The following HLCS variants were observed in gnomAD, a reference collection of about 807,000 sequenced individuals.
HLCS encodes holocarboxylase synthetase.
In HLCS, 53 loss-of-function variants were observed where a neutral mutation model predicts 75.0. The ratio of observed to expected loss-of-function variants is 0.71; its 90% CI spans 0.57 to 0.89. HLCS has a LOEUF of 0.89. Ranked by LOEUF, HLCS falls within the 40% of genes least tolerant of loss-of-function variation. The pLI is 0.00. For synonymous variants in HLCS, 431 were observed against 428.6 expected, an observed-to-expected ratio of 1.01 and a Z score of -0.07; for missense variants, 966 against 1,074.0, an observed-to-expected ratio of 0.90 and a Z score of 1.41.
At chr21:36,775,192 C>T (rs557433682) in intron 6 of HLCS, among the ~76,000 whole-genome samples, 13 of 152,334 alleles carry the variant, frequency 8.5e-5, no homozygotes, top group African/African-American at 2.6e-4. Context: ...GCCCTTCTTA[C>T]GTTTTTGGCT....
chr21:36,966,219 C>G (rs1236713989), intron 1 of HLCS, among the ~76,000 whole-genome samples: 2 of 152,212 alleles, frequency 1.3e-5, no homozygotes, highest in African/African-American at 2.4e-5. Context: ...CGTCCAGCAC[C>G]GCCCGGCTGG....
At chr21:36,890,146 G>A (rs2064714872) in intron 6 of HLCS, among the ~76,000 whole-genome samples, 1 of 152,180 alleles carries the variant, frequency 6.6e-6, no homozygotes, top group African/African-American at 2.4e-5. Flanking sequence ...ACGATTGTAA[G>A]TCTCCTGAGG....
chr21:36,878,403 A>T (rs993048262), intron 6 of HLCS, among the ~76,000 whole-genome samples: 1 of 152,176 alleles, frequency 6.6e-6, no homozygotes, highest in Non-Finnish European at 1.5e-5. Flanking sequence ...ATACAATTCT[A>T]ATTTTAAAAG....
At chr21:36,848,325 A>AGT (rs2062868989) in intron 6 of HLCS, among the ~76,000 whole-genome samples, 1 of 148,560 alleles carries the variant, frequency 6.7e-6, no homozygotes, top group South Asian at 2.1e-4. Flanking sequence ...GCTGAAGTGC[A>AGT]GTGGCATAAT....
chr21:36,884,941 C>A (rs1296126014), intron 6 of HLCS, among the ~76,000 whole-genome samples: 2 of 152,120 alleles, frequency 1.3e-5, no homozygotes, highest in Non-Finnish European at 2.9e-5. Flanking sequence ...GTTCAAACCA[C>A]TGCAGATTTG....
intron 9 of HLCS, among the ~76,000 whole-genome samples, chr21:36,758,915 C>T (rs1055297616): frequency 2.0e-5 from 3 of 151,226 alleles, no homozygotes; most frequent in African/African-American, 4.9e-5. Flanking sequence ...ACCTGGGAGG[C>T]GGAGGCTGCA....
chr21:36,959,609 C>T (rs1301577391), intron 2 of HLCS, among the ~76,000 whole-genome samples: 1 of 152,162 alleles, frequency 6.6e-6, no homozygotes, highest in Non-Finnish European at 1.5e-5. Flanking sequence ...CTTTTTCTGG[C>T]CCGCCCATGG....
At chr21:36,980,387 A>C (rs1388698489) in intron 1 of HLCS, 1 of 152,264 alleles carries the variant, frequency 6.6e-6, no homozygotes, top group Non-Finnish European at 1.5e-5. Flanking sequence ...AGATGATGGC[A>C]TCCAGCCCCC....
At chr21:36,926,320 C>T (rs1161780604) in intron 5 of HLCS, among the ~76,000 whole-genome samples, 1 of 152,204 alleles carries the variant, frequency 6.6e-6, no homozygotes, top group Non-Finnish European at 1.5e-5. Flanking sequence ...CACAGTTAAC[C>T]CTGGAAGTCA....
intron 5 of HLCS, among the ~76,000 whole-genome samples, chr21:36,922,084 C>T (rs572246209): frequency 4.6e-5 from 7 of 152,062 alleles, no homozygotes; most frequent in Admixed American, 3.3e-4. Flanking sequence ...TTAAAAGTAT[C>T]GATTAAAAGA....
chr21:36,862,981 T>A (rs1489980192), intron 6 of HLCS, among the ~76,000 whole-genome samples: 3 of 150,932 alleles, frequency 2.0e-5, no homozygotes, highest in African/African-American at 7.3e-5. Context: ...GGGGTCTCAT[T>A]ATGTTGCTCA....
intron 5 of HLCS, among the ~76,000 whole-genome samples, chr21:36,928,209 A>G (rs909931121): frequency 6.6e-6 from 1 of 152,198 alleles, no homozygotes; most frequent in African/African-American, 2.4e-5. Context: ...ATTCCAAGAA[A>G]ACATCATATA....
At chr21:36,775,372 T>C (rs2060325512) in intron 6 of HLCS, among the ~76,000 whole-genome samples, 1 of 152,246 alleles carries the variant, frequency 6.6e-6, no homozygotes, top group African/African-American at 2.4e-5. Context: ...TACAAGCCAC[T>C]GTTTCTTACC....
chr21:36,924,893 C>T (rs934847128), intron 5 of HLCS, among the ~76,000 whole-genome samples: 1 of 152,260 alleles, frequency 6.6e-6, no homozygotes, highest in African/African-American at 2.4e-5. Context: ...CTTCATAAAG[C>T]TATCAACGTC....
At chr21:36,756,251 A>G (rs989606932) in intron 10 of HLCS, among the ~76,000 whole-genome samples, 1 of 148,214 alleles carries the variant, frequency 6.7e-6, no homozygotes, top group East Asian at 1.9e-4. Context: ...ATCCTGGCTA[A>G]CACGGTGAAA....
intron 2 of HLCS, among the ~76,000 whole-genome samples, chr21:36,955,431 A>T (rs1184156196): frequency 6.6e-6 from 1 of 152,204 alleles, no homozygotes; most frequent in Non-Finnish European, 1.5e-5. Flanking sequence ...ATGTTCACAA[A>T]TTTGTAGAGA....
intron 6 of HLCS, among the ~76,000 whole-genome samples, chr21:36,802,025 T>C (rs1359883425): frequency 6.6e-6 from 1 of 152,232 alleles, no homozygotes; most frequent in African/African-American, 2.4e-5. Flanking sequence ...ACATAAGGTA[T>C]ACAAGAATAC....
intron 4 of HLCS, among the ~76,000 whole-genome samples, chr21:36,935,191 T>C (rs1298038724): frequency 2.0e-5 from 3 of 152,256 alleles, no homozygotes; most frequent in Non-Finnish European, 4.4e-5. Context: ...ATGCAGTTAC[T>C]ATAGTTACAA....
In HLCS at chr21:36,818,605, G is replaced by T. The variant is rs1019537037; in HGVS notation, c.1893-51320C>A. On this transcript the variant is annotated intron_variant, in intron 6 of 10. Transcript: ENST00000674895. ...AAGCGAGCTTAAATAGCGTTATTAT[G>T]TGCCTACGCTGGGGGAGGATGTGTT... is the stretch of plus-strand genomic sequence containing the variant. 2.6e-5 allele frequency among the ~76,000 whole-genome samples: 4 copies of T among 152,158 alleles called. No individual in the cohort carries two copies. In the South Asian group the frequency reaches 8.3e-4, roughly 32 times the overall value.
Sources: gnomAD v4.1 joint callset for allele counts (sites outside exome capture counted in the v4.1 genomes callset) on GRCh38, gnomAD v4.1.1 for gene constraint, MANE v1.5 for transcripts, NCBI Gene and HGNC (gene_info 2026-07-23, HGNC 2026-07-21) for gene names.